Variants in ADAMTS3 observed in about 807,000 individuals in gnomAD.
The protein encoded by ADAMTS3 is ADAM metallopeptidase with thrombospondin type 1 motif 3, also known as A disintegrin and metalloproteinase with thrombospondin motifs 3.
In ADAMTS3, 73 loss-of-function variants were observed where a neutral mutation model predicts 129.0. That is an observed-to-expected ratio of 0.57 (90% CI 0.47 to 0.69). The LOEUF is 0.69. Among genes scored for constraint, ADAMTS3 ranks in the 30% least tolerant of loss-of-function variants. ADAMTS3 has a pLI of 0.00. For synonymous variants in ADAMTS3, 477 were observed against 510.8 expected (o/e 0.93, Z 0.89); for missense variants, 1,457 against 1,514.5 (o/e 0.96, Z 0.63).
intron 3 of ADAMTS3, among the ~76,000 whole-genome samples, chr4:72,415,216 G>A (rs1266455444): frequency 6.6e-6 from 1 of 151,734 alleles, no homozygotes; most frequent in African/African-American, 2.4e-5. Flanking sequence ...ATTTACATAG[G>A]ATAAGAATAG....
At chr4:72,549,908 A>G (rs1286111977) in intron 2 of ADAMTS3, among the ~76,000 whole-genome samples, 1 of 147,552 alleles carries the variant, frequency 6.8e-6, no homozygotes, top group Non-Finnish European at 1.5e-5. Flanking sequence ...ACCACAGGAC[A>G]ATGGATACTA....
chr4:72,298,486 T>C (rs1718866487), intron 17 of ADAMTS3, 44 bp from the exon 18 acceptor site: 1 of 1,433,370 alleles, frequency 7.0e-7, no homozygotes, highest in African/African-American at 1.4e-5. Context: ...CTGAGGGTTT[T>C]AAATTTTGAG....
chr4:72,559,023 G>C (rs968286014), intron 2 of ADAMTS3, among the ~76,000 whole-genome samples: 1 of 151,566 alleles, frequency 6.6e-6, no homozygotes, highest in African/African-American at 2.4e-5. Flanking sequence ...GTAGGGGGAG[G>C]TGAACCAATC....
intron 18 of ADAMTS3, among the ~76,000 whole-genome samples, chr4:72,297,253 G>C (rs1323931914): frequency 6.6e-6 from 1 of 151,964 alleles, no homozygotes. Context: ...GAATAGATGT[G>C]GTAGATATGA....
intron 3 of ADAMTS3, among the ~76,000 whole-genome samples, chr4:72,488,754 C>A (rs1430904009): frequency 1.3e-5 from 2 of 151,758 alleles, no homozygotes; most frequent in Admixed American, 1.3e-4. Flanking sequence ...TAACCTATCA[C>A]CTCATGTAGT....
At chr4:72,523,212 T>C (rs1000959554) in intron 3 of ADAMTS3, among the ~76,000 whole-genome samples, 7 of 152,068 alleles carry the variant, frequency 4.6e-5, no homozygotes, top group Non-Finnish European at 7.4e-5. Flanking sequence ...ACAAAAACTT[T>C]CAATGTCCAG....
chr4:72,400,772 C>T (rs1457604990), intron 4 of ADAMTS3, among the ~76,000 whole-genome samples: 1 of 137,830 alleles, frequency 7.3e-6, no homozygotes, highest in African/African-American at 3.2e-5. Flanking sequence ...TGTATATATA[C>T]GTGTGCATAG....
chr4:72,405,134 CT>C, intron 4 of ADAMTS3, among the ~76,000 whole-genome samples: 1 of 152,132 alleles, frequency 6.6e-6, no homozygotes, highest in Non-Finnish European at 1.5e-5. Context: ...TATGTTGAGG[CT>C]CCTGAGAATA....
At chr4:72,437,739 G>A (rs1015060984) in intron 3 of ADAMTS3, among the ~76,000 whole-genome samples, 1 of 151,638 alleles carries the variant, frequency 6.6e-6, no homozygotes, top group Non-Finnish European at 1.5e-5. Flanking sequence ...ATGTGGCTTT[G>A]ATTATTTTCA....
intron 4 of ADAMTS3, among the ~76,000 whole-genome samples, chr4:72,347,023 T>C (rs533094586): frequency 2.4e-4 from 37 of 152,212 alleles, no homozygotes; most frequent in African/African-American, 7.5e-4. Context: ...AATTTGGAGC[T>C]ACTAGGAAAG....
intron 3 of ADAMTS3, among the ~76,000 whole-genome samples, chr4:72,477,207 G>T (rs192476978): frequency 7.9e-5 from 12 of 152,154 alleles, no homozygotes; most frequent in Non-Finnish European, 2.9e-5. Context: ...GACATTTACA[G>T]AACACTCCAC....
intron 16 of ADAMTS3, 142 bp from the exon 17 acceptor site, chr4:72,304,222 C>A: frequency 1.2e-6 from 1 of 801,496 alleles, no homozygotes; most frequent in Non-Finnish European, 1.9e-6. Context: ...GGTGTTAGTT[C>A]TGATATTATT....
At chr4:72,342,062 C>A (rs1412512711) in intron 4 of ADAMTS3, among the ~76,000 whole-genome samples, 1 of 152,188 alleles carries the variant, frequency 6.6e-6, no homozygotes, top group Admixed American at 6.5e-5. Flanking sequence ...TATGGCAAAG[C>A]TATGACAATA....
chr4:72,304,334 T>C (rs995982057), intron 16 of ADAMTS3, among the ~76,000 whole-genome samples: 1 of 152,138 alleles, frequency 6.6e-6, no homozygotes, highest in African/African-American at 2.4e-5. Context: ...TTTGCAAATA[T>C]TCCCATTTGA....
intron 3 of ADAMTS3, among the ~76,000 whole-genome samples, chr4:72,507,722 C>T (rs1157460093): frequency 6.6e-6 from 1 of 152,104 alleles, no homozygotes; most frequent in African/African-American, 2.4e-5. Context: ...AAAAATCCCA[C>T]CACTGCATCC....
chr4:72,484,185 C>A (rs568102062), intron 3 of ADAMTS3, among the ~76,000 whole-genome samples: 2 of 152,126 alleles, frequency 1.3e-5, no homozygotes, highest in South Asian at 4.1e-4. Flanking sequence ...AAAGGAAAAG[C>A]AAAAAGATAA....
chr4:72,531,838 G>T (rs2109764794), intron 3 of ADAMTS3, among the ~76,000 whole-genome samples: 1 of 152,282 alleles, frequency 6.6e-6, no homozygotes, highest in African/African-American at 2.4e-5. Flanking sequence ...TAGGTGGCTT[G>T]TCTAAGTTCA....
chr4:72,436,970 C>T (rs1270459237), intron 3 of ADAMTS3, among the ~76,000 whole-genome samples: 3 of 151,780 alleles, frequency 2.0e-5, no homozygotes, highest in East Asian at 1.9e-4. Flanking sequence ...CAAACCTGCA[C>T]GTTGTGCACA....
intron 3 of ADAMTS3, among the ~76,000 whole-genome samples, chr4:72,493,658 C>T (rs541402067): frequency 6.6e-6 from 1 of 152,060 alleles, no homozygotes; most frequent in South Asian, 2.1e-4. Context: ...TGTACATGTC[C>T]ATTTGGCTGT....
Sources: gnomAD v4.1 joint callset for allele counts (sites outside exome capture counted in the v4.1 genomes callset) on GRCh38, gnomAD v4.1.1 for gene constraint, MANE v1.5 for transcripts, NCBI Gene and HGNC (gene_info 2026-07-23, HGNC 2026-07-21) for gene names.